LTA: variants seen among roughly 807,000 people sequenced by gnomAD.
LTA encodes the protein lymphotoxin-alpha.
In LTA, 6 loss-of-function variants were observed where a neutral mutation model predicts 15.1. That is an observed-to-expected ratio of 0.40 (90% CI 0.22 to 0.78). The LOEUF (loss-of-function observed/expected upper bound fraction) is 0.78, where lower values mean the gene tolerates loss of function less well. Ranked by LOEUF, LTA falls within the 30% of genes least tolerant of loss-of-function variation. The probability of loss-of-function intolerance (pLI) is 0.38; values close to 1 mark genes in which losing one functional copy is unlikely to be tolerated. For synonymous variants in LTA, 87 were observed against 107.3 expected (o/e 0.81, Z 1.17); for missense variants, 173 against 249.5 (o/e 0.69, Z 2.06).
rs1259466505 is a variant in LTA, at chr6:31,573,775, G to T, written c.*82G>T. The T allele has an allele frequency of 6.6e-7, 1 of 1,516,372 alleles. No homozygotes were observed. The highest frequency in any genetic ancestry group is 2.3e-5 in the East Asian group (1 of 44,300). 93.9% of individuals were successfully genotyped at this position (1,516,372 alleles called of 1,614,324 possible). On this transcript the variant is annotated 3_prime_UTR_variant, in exon 4 of 4. Transcript: ENST00000418386. ...TGCCTCCATTCTGACCATTTCAGGG[G>T]TCGTCACCACCTCTCCTTTGGCCAT...
Position 31,573,308 on chromosome 6 carries a change from T to G in LTA, c.233T>G (p.Leu78Arg). ...GACCCCAGCAAGCAGAACTCACTGC[T>G]CTGGAGAGCAAACACGGACCGTGCC... ...IGDPSKQNSLLWRANTDRAFL... is the reference protein window; with the variant it reads ...IGDPSKQNSLRWRANTDRAFL... The change falls in exon 4 of 4, where the codon CTC becomes CGC. Residue 78 changes from leucine to arginine, a missense_variant. By Grantham distance (102) the Leu-to-Arg change is moderately radical (BLOSUM62 -2). Coordinates refer to ENST00000418386, the MANE Select transcript of LTA (RefSeq NM_000595.4). 3 of 1,613,444 alleles carry G rather than the reference T, an allele frequency of 1.9e-6. No individual in the cohort carries two copies. Among genetic ancestry groups the G allele is most frequent in the Non-Finnish European group, 2.5e-6 (3 of 1,179,784 alleles).
At chr6:31,561,761 A>T in the LTA span, among the ~76,000 whole-genome samples, 1 of 152,198 alleles carries the variant, frequency 6.6e-6, no homozygotes, top group East Asian at 1.9e-4. Context: ...TAAATAATAA[A>T]GTCACTGCCT....
chr6:31,561,112 A>G, the LTA span, among the ~76,000 whole-genome samples: 1 of 152,170 alleles, frequency 6.6e-6, no homozygotes, highest in African/African-American at 2.4e-5. Context: ...ACAAGTCAGA[A>G]AATGCAGTAT....
the LTA span, among the ~76,000 whole-genome samples, chr6:31,564,580 G>C: frequency 6.6e-6 from 1 of 151,448 alleles, no homozygotes; most frequent in Non-Finnish European, 1.5e-5. Context: ...ACTGCGCCCA[G>C]CCGATCTTTG....
chr6:31,573,215 T>A, intron 3 of LTA, 66 bp from the exon 4 acceptor site: 2 of 1,500,392 alleles, frequency 1.3e-6, no homozygotes, highest in Non-Finnish European at 1.8e-6. Context: ...GCCCACTTCC[T>A]CAGGGATTGA....
chr6:31,573,063 T>G, intron 3 of LTA, 30 bp downstream of exon 3: 2 of 1,564,764 alleles, frequency 1.3e-6, no homozygotes, highest in Non-Finnish European at 8.8e-7. Flanking sequence ...CCCAGACATG[T>G]CCCCACCAGC....
At chr6:31,572,642 G>GCCGTATCATTAAAAAAAGGTC in intron 1 of LTA, 92 bp from the exon 2 acceptor site, 1 of 828,688 alleles carries the variant, frequency 1.2e-6, no homozygotes, top group Non-Finnish European at 2.0e-6. Flanking sequence ...CTCGGGGGTC[G>GCCGTATCATTAAAAAAAGGTC]GGGGGTGCTC....
In LTA at chr6:31,574,250, C is replaced by T. The variant is rs1358928869; in HGVS notation, c.*557C>T. The T allele has an allele frequency of 5.1e-6, 1 of 194,928 alleles. No homozygotes were observed. Among genetic ancestry groups the T allele is most frequent in the Non-Finnish European group, 1.1e-5 (1 of 93,490 alleles). The allele number at this position is 194,928 out of a possible 1,614,324, so 12.1% of individuals were successfully genotyped here. ...AGAAGGCAGGGAAAGGCTCTGAAAGCCAGCTGCCGACCAGAGCCCCACACG... is the reference window on the plus strand; with the variant it reads ...AGAAGGCAGGGAAAGGCTCTGAAAGTCAGCTGCCGACCAGAGCCCCACACG... On this transcript the variant is annotated 3_prime_UTR_variant, in exon 4 of 4. Transcript: ENST00000418386.
At chr6:31,565,912 G>A in the LTA span, among the ~76,000 whole-genome samples, 3 of 152,138 alleles carry the variant, frequency 2.0e-5, no homozygotes, top group African/African-American at 4.8e-5. Flanking sequence ...TGGGCGCGTT[G>A]GCTATGCCTA....
chr6:31,573,003 A>G lies in LTA; in HGVS notation c.175A>G (p.Ser59Gly), dbSNP rs1354218173. ...GCACCCCAAGATGCATCTTGCCCAC[A>G]GCACCCTCAAACCTGCTGCTCACCT... is the stretch of plus-strand genomic sequence containing the variant. ...RQHPKMHLAH[S>G]TLKPAAHLIG... Residue 59 changes from serine to glycine, a missense_variant, in exon 3 of 4, where the codon AGC becomes GGC. Transcript: ENST00000418386. The G allele has an allele frequency of 1.2e-6, 2 of 1,612,220 alleles. No homozygotes were observed. Among genetic ancestry groups the G allele is most frequent in the Non-Finnish European group, 1.7e-6 (2 of 1,179,756 alleles).
chr6:31,570,812 G>A (rs563264461), upstream of LTA, among the ~76,000 whole-genome samples: 9 of 152,210 alleles, frequency 5.9e-5, no homozygotes, highest in East Asian at 1.2e-3. Context: ...TACATTCTGT[G>A]TGATTTCATT....
In LTA at chr6:31,573,442, A is replaced by G. The variant is rs764730512; in HGVS notation, c.367A>G (p.Lys123Glu). 6.2e-7 allele frequency: 1 copy of G among 1,613,912 alleles called. No individual in the cohort carries two copies. ...VVFSGKAYSP[K>E]ATSSPLYLAH... Reference sequence around the variant, plus strand: ...CTTCTCTGGGAAAGCCTACTCTCCCAAGGCCACCTCCTCCCCACTCTACCT... The same window carrying G: ...CTTCTCTGGGAAAGCCTACTCTCCCGAGGCCACCTCCTCCCCACTCTACCT... The change falls in exon 4 of 4, where the codon AAG becomes GAG. Residue 123 changes from lysine (K) to glutamate (E), a missense_variant. By Grantham distance (56) the Lys-to-Glu change is moderately conservative (BLOSUM62 1). Transcript: ENST00000418386.
rs902830619 is a variant in LTA at position 31,573,327 on chromosome 6, C to G, written c.252C>G (p.Asp84Glu). 6.2e-7 allele frequency: 1 copy of G among 1,613,882 alleles called. No individual in the cohort carries two copies. The highest frequency in any genetic ancestry group is 1.3e-5 in the African/African-American group (1 of 74,940). Residue 84 changes from aspartate to glutamate, a missense_variant, in exon 4 of 4, where the codon GAC becomes GAG. By Grantham distance (45) the Asp-to-Glu change is conservative (BLOSUM62 2). Transcript: ENST00000418386. ...CACTGCTCTGGAGAGCAAACACGGA[C>G]CGTGCCTTCCTCCAGGATGGTTTCT... is the stretch of plus-strand genomic sequence containing the variant. The part of the protein sequence containing the change: ...QNSLLWRANT[D>E]RAFLQDGFSL...
At chr6:31,564,608 A>G in the LTA span, among the ~76,000 whole-genome samples, 4 of 151,472 alleles carry the variant, frequency 2.6e-5, no homozygotes, top group Non-Finnish European at 4.4e-5. Flanking sequence ...TAAAGTCACT[A>G]AAGATGGTGG....
the LTA span, among the ~76,000 whole-genome samples, chr6:31,566,313 C>G: frequency 6.6e-6 from 1 of 152,128 alleles, no homozygotes; most frequent in Middle Eastern, 3.4e-3. Flanking sequence ...CATTGCACTC[C>G]AACCTGGGCA....
intron 1 of LTA, 41 bp downstream of exon 1, chr6:31,572,487 CATCT>C (rs887261750): frequency 1.0e-5 from 6 of 577,332 alleles, no homozygotes; most frequent in African/African-American, 3.7e-5. Flanking sequence ...TCTGACTCTC[CATCT>C]GTCAGTCTCA....
chr6:31,561,324 A>G, the LTA span, among the ~76,000 whole-genome samples: 1 of 152,334 alleles, frequency 6.6e-6, no homozygotes, highest in Non-Finnish European at 1.5e-5. Context: ...CTTGTGAATT[A>G]ATACCTACTG....
At chr6:31,570,147 C>A (rs1770758042), upstream of LTA, among the ~76,000 whole-genome samples, 1 of 152,198 alleles carries the variant, frequency 6.6e-6, no homozygotes. Flanking sequence ...GTTAATCTGT[C>A]TTTTATTATA....
At chr6:31,571,091 T>C (rs1770809266), upstream of LTA, among the ~76,000 whole-genome samples, 1 of 150,950 alleles carries the variant, frequency 6.6e-6, no homozygotes, top group Admixed American at 6.6e-5. Flanking sequence ...GACAGAGTCT[T>C]GCTCTGTCCC....
Sources: gnomAD v4.1 joint callset for allele counts (sites outside exome capture counted in the v4.1 genomes callset) on GRCh38, gnomAD v4.1.1 for gene constraint, MANE v1.5 for transcripts, NCBI Gene and HGNC (gene_info 2026-07-23, HGNC 2026-07-21) for gene names.